The following ZWILCH variants were observed in gnomAD, a reference collection of about 807,000 sequenced individuals.
ZWILCH encodes the protein zwilch kinetochore protein.
In ZWILCH, 74 loss-of-function variants were observed where a neutral mutation model predicts 79.9. The observed-to-expected ratio is 0.93, with a 90% CI of 0.77 to 1.12. The LOEUF is 1.12. Ranked by LOEUF, ZWILCH falls within the 50% of genes most tolerant of loss-of-function variation. The pLI is 0.00. For synonymous variants in ZWILCH, 241 were observed against 228.2 expected (o/e 1.06, Z -0.51); for missense variants, 694 against 687.5 (o/e 1.01, Z -0.11).
chr15:66,529,433 A>G (rs1894791921), intron 11 of ZWILCH, 61 bp from the exon 12 acceptor site: 1 of 1,134,716 alleles, frequency 8.8e-7, no homozygotes, highest in East Asian at 2.4e-5. Flanking sequence ...CTTAAGATTA[A>G]TGATATATTT....
At chr15:66,541,100 G>A (rs1259912928) in intron 17 of ZWILCH, among the ~76,000 whole-genome samples, 1 of 148,396 alleles carries the variant, frequency 6.7e-6, no homozygotes, top group African/African-American at 2.5e-5. Context: ...GCAACATGGA[G>A]AAACCCCATC....
chr15:66,509,235 C>T (rs535134732), intron 2 of ZWILCH, among the ~76,000 whole-genome samples: 9 of 152,254 alleles, frequency 5.9e-5, no homozygotes, highest in Middle Eastern at 3.4e-3. Context: ...CCACCGCGCC[C>T]GGCCGAACTT....
rs1472126166 is a variant in ZWILCH at position 66,528,842 on chromosome 15, T to C, written c.970-10T>C. On this transcript the variant is annotated splice_polypyrimidine_tract_variant and intron_variant, in intron 10 of 18. Coordinates refer to ENST00000307897, the MANE Select transcript of ZWILCH (RefSeq NM_017975.5). ...AACTGAGTATTCTCTGAAGGTTGCT[T>C]CTTTTTCAGACCTTGAAGCATGACA... The C allele has an allele frequency of 6.2e-7, 1 of 1,612,438 alleles. No homozygotes were observed. The highest frequency in any genetic ancestry group is 8.5e-7 in the Non-Finnish European group (1 of 1,178,962).
rs1161719182 is a variant in ZWILCH, at chr15:66,517,726, CTTTTTTTTTTTT to C, written c.321-1138_321-1127del. On this transcript the variant is annotated intron_variant, in intron 4 of 18. Transcript: ENST00000307897. ...GGGTCCTACTTCTTTCTTTTCTTTC[CTTTTTTTTTTTT>C]TTTTTTTTTTTTTTGAGACAGAGTC... is the stretch of plus-strand genomic sequence containing the variant. 3.9e-3 allele frequency among the ~76,000 whole-genome samples: 227 copies of C among 58,288 alleles called. 1 individual carries two copies. The highest frequency in any genetic ancestry group is 0.015 in the African/African-American group (204 of 13,826). 38.2% of individuals were successfully genotyped at this position (58,288 alleles called of 152,430 possible).
intron 7 of ZWILCH, chr15:66,523,331 C>A (rs1321057555): frequency 5.3e-6 from 1 of 187,164 alleles, no homozygotes; most frequent in Non-Finnish European, 1.1e-5. Context: ...TAAGTTATCA[C>A]CGAATCTTGA....
intron 2 of ZWILCH, 196 bp from the exon 3 acceptor site, chr15:66,513,792 C>T (rs1329760075): frequency 6.4e-6 from 2 of 312,028 alleles, no homozygotes; most frequent in African/African-American, 4.4e-5. Flanking sequence ...AGGATGGTCT[C>T]AATCTCCTGA....
chr15:66,517,502 G>A (rs1008064514), intron 4 of ZWILCH, among the ~76,000 whole-genome samples: 12 of 139,808 alleles, frequency 8.6e-5, no homozygotes, highest in African/African-American at 3.2e-4. Context: ...TATTGACAAT[G>A]TAGTGAAGAT....
In ZWILCH at chr15:66,517,726, C is replaced by CTTTTT. The variant is rs1161719182; in HGVS notation, c.321-1131_321-1127dup. On this transcript the variant is annotated intron_variant, in intron 4 of 18. Coordinates refer to ENST00000307897, the MANE Select transcript of ZWILCH (RefSeq NM_017975.5). The stretch of plus-strand genomic sequence containing the variant: ...GGGTCCTACTTCTTTCTTTTCTTTC[C>CTTTTT]TTTTTTTTTTTTTTTTTTTTTTTTT... 1.0e-4 allele frequency among the ~76,000 whole-genome samples: 6 copies of CTTTTT among 58,228 alleles called. 1 individual carries two copies. Among genetic ancestry groups the CTTTTT allele is most frequent in the African/African-American group, 2.9e-4 (4 of 13,780 alleles). 38.2% of individuals were successfully genotyped at this position (58,228 alleles called of 152,430 possible). A position where few individuals can be genotyped will look rare whatever the true frequency, so the allele number is the denominator to read the frequency against.
intron 17 of ZWILCH, 120 bp downstream of exon 17, chr15:66,540,330 T>C (rs371449373): frequency 4.5e-6 from 3 of 672,368 alleles, no homozygotes; most frequent in Non-Finnish European, 5.0e-6. Context: ...GGTGGGCAGA[T>C]TGTGTGAGCT....
At chr15:66,539,835 A>G (rs1279398945) in intron 16 of ZWILCH, among the ~76,000 whole-genome samples, 1 of 151,832 alleles carries the variant, frequency 6.6e-6, no homozygotes, top group Non-Finnish European at 1.5e-5. Context: ...TGCTATCCCC[A>G]ATCCGAGTTA....
Position 66,524,968 on chromosome 15 carries a change from A to T in ZWILCH, c.819+1220A>T, listed in dbSNP as rs757784774. ...TGACACCTTTGTGAGCAAGCTCCAAACCCTCATCTTTAAGCTGATAGCACT... is the reference window on the plus strand; with the variant it reads ...TGACACCTTTGTGAGCAAGCTCCAATCCCTCATCTTTAAGCTGATAGCACT... On this transcript the variant is annotated intron_variant, in intron 8 of 18. Coordinates refer to ENST00000307897, the MANE Select transcript of ZWILCH (RefSeq NM_017975.5). Among the ~76,000 whole-genome samples, 53 of 151,820 alleles carry T rather than the reference A, an allele frequency of 3.5e-4. 1 individual carries two copies. In the Middle Eastern group the frequency reaches 0.01, roughly 29 times the overall value.
chr15:66,507,966 A>G (rs1157339442), intron 1 of ZWILCH, among the ~76,000 whole-genome samples: 1 of 152,068 alleles, frequency 6.6e-6, no homozygotes, highest in Non-Finnish European at 1.5e-5. Context: ...GACTGATTAA[A>G]TAACATCCCT....
chr15:66,544,082 C>A lies in ZWILCH; in HGVS notation c.1688-2509C>A, dbSNP rs192632714. Among the ~76,000 whole-genome samples the A allele has an allele frequency of 7.3e-3, 1,103 of 151,930 alleles. 12 individuals are homozygous for A. Among genetic ancestry groups the A allele is most frequent in the African/African-American group, 0.025 (1,044 of 41,464 alleles). ...CCAGACCCAGCCAACATGGTGAAAC[C>A]CCACCTGTACTAAAAATATAAAAAA... On this transcript the variant is annotated intron_variant, in intron 17 of 18. Coordinates refer to ENST00000307897, the MANE Select transcript of ZWILCH (RefSeq NM_017975.5).
chr15:66,516,392 G>A (rs991374565), intron 4 of ZWILCH, among the ~76,000 whole-genome samples: 1 of 152,094 alleles, frequency 6.6e-6, no homozygotes, highest in African/African-American at 2.4e-5. Context: ...GTGTCCTGGC[G>A]AATATAGTCA....
At chr15:66,514,209 T>A in intron 3 of ZWILCH, 126 bp downstream of exon 3, 1 of 599,770 alleles carries the variant, frequency 1.7e-6, no homozygotes, top group Non-Finnish European at 2.9e-6. Context: ...CTTTTAGGAG[T>A]AAGTGTAGTG....
At chr15:66,506,984 G>C (rs1048705801) in intron 1 of ZWILCH, among the ~76,000 whole-genome samples, 1 of 151,760 alleles carries the variant, frequency 6.6e-6, no homozygotes, top group Non-Finnish European at 1.5e-5. Flanking sequence ...AGCCTCCCGA[G>C]TAGCTGGGAC....
In ZWILCH at chr15:66,505,402, T is replaced by G. The variant is rs1227392815; in HGVS notation, c.53+11T>G. On this transcript the variant is annotated intron_variant, in intron 1 of 18. Coordinates refer to ENST00000307897, the MANE Select transcript of ZWILCH (RefSeq NM_017975.5). ...TTCTCGTCTCCTTCAGTGAGTCTAG[T>G]CTCTTCTTTTGGCTGGGGTCCTGGG... 3 of 1,613,956 alleles carry G rather than the reference T, an allele frequency of 1.9e-6. No homozygotes were observed. The highest frequency in any genetic ancestry group is 2.7e-5 in the African/African-American group (2 of 75,048).
chr15:66,535,928 T>C lies in ZWILCH; in HGVS notation c.1342-5T>C, dbSNP rs766726956. 1 of 1,594,900 alleles carries C rather than the reference T, an allele frequency of 6.3e-7. No individual in the cohort carries two copies. Among genetic ancestry groups the C allele is most frequent in the Non-Finnish European group, 8.5e-7 (1 of 1,174,550 alleles). On this transcript the variant is annotated splice_region_variant and splice_polypyrimidine_tract_variant and intron_variant, in intron 14 of 18. Coordinates refer to ENST00000307897, the MANE Select transcript of ZWILCH (RefSeq NM_017975.5). The stretch of plus-strand genomic sequence containing the variant: ...CTCTATTTTGCTTATATTTTTTCAT[T>C]CCAGGAATACTTCATTGCTCCATCA...
In ZWILCH at chr15:66,549,888, A is replaced by G; in HGVS notation, c.*1564A>G. 1 of 485,550 alleles carries G rather than the reference A, an allele frequency of 2.1e-6. No individual in the cohort carries two copies. Among genetic ancestry groups the G allele is most frequent in the Non-Finnish European group, 3.7e-6 (1 of 271,576 alleles). The allele number at this position is 485,550 out of a possible 1,614,324, so 30.1% of individuals were successfully genotyped here. On this transcript the variant is annotated 3_prime_UTR_variant, in exon 19 of 19. Coordinates refer to ENST00000307897, the MANE Select transcript of ZWILCH (RefSeq NM_017975.5). ...AATGCTTTAAAATGCTTATAAATAG[A>G]AATTTGACATTGCTTCAAAGAAACC...
Sources: gnomAD v4.1 joint callset for allele counts (sites outside exome capture counted in the v4.1 genomes callset) on GRCh38, gnomAD v4.1.1 for gene constraint, MANE v1.5 for transcripts, NCBI Gene and HGNC (gene_info 2026-07-23, HGNC 2026-07-21) for gene names.